The following SV2C variants were observed in gnomAD, a reference collection of about 807,000 sequenced individuals.
The protein encoded by SV2C is synaptic vesicle glycoprotein 2C.
A neutral mutation model predicts 79.7 loss-of-function variants in SV2C; 49 were observed. The ratio of observed to expected loss-of-function variants is 0.61; its 90% confidence interval spans 0.49 to 0.78. SV2C has a LOEUF of 0.78. Ranked by LOEUF, SV2C falls within the 30% of genes least tolerant of loss-of-function variation. The pLI, the probability that SV2C is intolerant of heterozygous loss-of-function variation, is 0.00. For synonymous variants in SV2C, 334 were observed against 333.2 expected, an observed-to-expected ratio of 1.00 and a Z score of -0.03; for missense variants, 833 against 912.9, an observed-to-expected ratio of 0.91 and a Z score of 1.13.
chr5:76,318,882 C>T (rs1037277063), intron 12 of SV2C, among the ~76,000 whole-genome samples: 1 of 152,200 alleles, frequency 6.6e-6, no homozygotes, highest in Non-Finnish European at 1.5e-5. Context: ...ACTCATTCTA[C>T]AGCTGAGAAG....
intron 7 of SV2C, 97 bp downstream of exon 7, chr5:76,291,428 C>G: frequency 1.1e-6 from 1 of 950,664 alleles, no homozygotes; most frequent in Non-Finnish European, 1.6e-6. Flanking sequence ...GAGCGAGGTT[C>G]TTTCCTGCTG....
intron 1 of SV2C, among the ~76,000 whole-genome samples, chr5:76,100,554 A>G (rs1747707249): frequency 6.6e-6 from 1 of 152,202 alleles, no homozygotes; most frequent in African/African-American, 2.4e-5. Flanking sequence ...TGAAATAGAA[A>G]TTTCAATCAA....
chr5:76,209,850 C>T lies in SV2C; in HGVS notation c.876C>T (p.Tyr292=), dbSNP rs368119717. 2.6e-4 allele frequency: 417 copies of T among 1,614,134 alleles called. 1 individual carries two copies. In the South Asian group the frequency reaches 2.8e-3, roughly 11 times the overall value. Residue 292 remains tyrosine (Y), a synonymous_variant, in exon 4 of 13, where the codon TAC becomes TAT. Coordinates refer to ENST00000502798, the MANE Select transcript of SV2C (RefSeq NM_014979.4). The part of the protein sequence containing the change: ...LCMFWMIGGI[Y]ASAMAWAIIP... ...TGTTCTGGATGATCGGTGGCATCTA[C>T]GCCTCTGCCATGGCCTGGGCCATCA...
At chr5:75,976,658 A>G in the SV2C span, among the ~76,000 whole-genome samples, 13 of 152,146 alleles carry the variant, frequency 8.5e-5, no homozygotes, top group Non-Finnish European at 1.5e-4. Flanking sequence ...TCCATTTATA[A>G]AGCAGCAACT....
At chr5:76,277,725 G>T (rs35764719) in intron 4 of SV2C, among the ~76,000 whole-genome samples, 18,214 of 151,038 alleles carry the variant, frequency 0.12, 1,315 homozygotes, top group African/African-American at 0.19. Context: ...GCCACTGCAC[G>T]CCAGCCTGGG....
At chr5:76,004,741 T>C in the SV2C span, among the ~76,000 whole-genome samples, 1 of 152,172 alleles carries the variant, frequency 6.6e-6, no homozygotes, top group African/African-American at 2.4e-5. Flanking sequence ...ACCTGCATGA[T>C]GACCCCGCGA....
the SV2C span, among the ~76,000 whole-genome samples, chr5:76,058,691 T>A: frequency 2.6e-5 from 4 of 152,112 alleles, no homozygotes; most frequent in Non-Finnish European, 5.9e-5. Context: ...GTGAGATAAT[T>A]TGCCTTATAA....
chr5:76,315,105 C>A (rs1286529747), intron 12 of SV2C, among the ~76,000 whole-genome samples: 1 of 151,868 alleles, frequency 6.6e-6, no homozygotes, highest in Non-Finnish European at 1.5e-5. Flanking sequence ...GTAGGTGAGT[C>A]CTTCTCCACT....
At chr5:75,982,445 T>C in the SV2C span, among the ~76,000 whole-genome samples, 2 of 152,086 alleles carry the variant, frequency 1.3e-5, no homozygotes, top group South Asian at 2.1e-4. Context: ...ATGGCTATTA[T>C]TTAAAAGTCA....
rs1385950324 is a variant in SV2C, at chr5:76,198,799, C to G, written c.761+3700C>G. Among the ~76,000 whole-genome samples the G allele has an allele frequency of 6.6e-5, 10 of 152,252 alleles. No individual in the cohort carries two copies. In the East Asian group the frequency reaches 1.9e-3, roughly 29 times the overall value. ...AGGAGTCTCATCAAAGTCTCTTTTTCTCCAATTCCATTCCAATTCAACTCA... is the reference window on the plus strand; with the variant it reads ...AGGAGTCTCATCAAAGTCTCTTTTTGTCCAATTCCATTCCAATTCAACTCA... On this transcript the variant is annotated intron_variant, in intron 3 of 12. Transcript: ENST00000502798.
the SV2C span, among the ~76,000 whole-genome samples, chr5:75,931,081 C>T: frequency 1.1e-4 from 17 of 152,168 alleles, no homozygotes; most frequent in African/African-American, 3.6e-4. Flanking sequence ...TGCAGTGAGC[C>T]GAGATTGTGC....
intron 2 of SV2C, among the ~76,000 whole-genome samples, chr5:76,165,350 T>G (rs1159195565): frequency 5.9e-5 from 9 of 152,188 alleles, no homozygotes. Flanking sequence ...TTACATCCAC[T>G]GTTGTTTCTG....
the SV2C span, among the ~76,000 whole-genome samples, chr5:75,884,960 A>G: frequency 3.3e-5 from 5 of 152,142 alleles, no homozygotes; most frequent in African/African-American, 9.7e-5. Flanking sequence ...GCTAAATAAC[A>G]CTTGAAACTC....
chr5:76,044,471 T>C, the SV2C span, among the ~76,000 whole-genome samples: 1 of 152,322 alleles, frequency 6.6e-6, no homozygotes, highest in East Asian at 1.9e-4. Flanking sequence ...TTCTAGGTCT[T>C]TGAGGAATCG....
chr5:76,195,090 C>G lies in SV2C; in HGVS notation c.752C>G (p.Ser251Cys). ...YGFFLFCRLL[S>C]GFGIGGAIPT... ...TTCTTTCTCTTCTGTCGCTTACTTT[C>G]TGGATTCGGGTAAGGTTTTCTCCTT... Residue 251 changes from serine to cysteine, a missense_variant, in exon 3 of 13, where the codon TCT (serine) becomes TGT (cysteine). Ser to Cys is a moderately radical substitution (Grantham distance 112). Coordinates refer to ENST00000502798, the MANE Select transcript of SV2C (RefSeq NM_014979.4). 6.2e-7 allele frequency: 1 copy of G among 1,613,430 alleles called. No homozygotes were observed. Among genetic ancestry groups the G allele is most frequent in the Non-Finnish European group, 8.5e-7 (1 of 1,179,774 alleles).
chr5:75,955,500 C>G, the SV2C span, among the ~76,000 whole-genome samples: 1 of 149,962 alleles, frequency 6.7e-6, no homozygotes, highest in Non-Finnish European at 1.5e-5. Flanking sequence ...GACTTCATGT[C>G]TAAAACACCA....
At chr5:76,068,928 G>A in the SV2C span, among the ~76,000 whole-genome samples, 3 of 152,200 alleles carry the variant, frequency 2.0e-5, no homozygotes, top group South Asian at 4.1e-4. Flanking sequence ...CAGGTTCATG[G>A]CATAACACAA....
intron 2 of SV2C, among the ~76,000 whole-genome samples, chr5:76,171,958 G>T (rs1743291308): frequency 7.7e-6 from 1 of 129,978 alleles, no homozygotes; most frequent in African/African-American, 2.8e-5. Context: ...CCCCCGCCTG[G>T]CCAGCCGCCC....
the SV2C span, among the ~76,000 whole-genome samples, chr5:75,987,323 GA>G: frequency 1.6e-4 from 25 of 151,968 alleles, no homozygotes; most frequent in Admixed American, 3.9e-4. Context: ...AATGTATACA[GA>G]AGTCTGATGA....
Sources: allele counts gnomAD v4.1 joint callset (sites outside exome capture counted in the v4.1 genomes callset), GRCh38; gene constraint gnomAD v4.1.1; transcripts MANE v1.5; gene names NCBI Gene and HGNC (gene_info 2026-07-23, HGNC 2026-07-21).